Variants in FGF13 observed in about 807,000 individuals in gnomAD.
The protein encoded by FGF13 is fibroblast growth factor homologous factor 2.
A neutral mutation model predicts 19.5 loss-of-function variants in FGF13; 2 were observed. The observed-to-expected ratio is 0.10, with a 90% CI of 0.04 to 0.32. FGF13 has a LOEUF of 0.32. Among genes scored for constraint, FGF13 ranks in the 10% least tolerant of loss-of-function variants. FGF13 has a pLI of 1.00. For missense variants in FGF13, 113 were observed against 192.7 expected (o/e 0.59, Z 2.45); for synonymous variants, 72 against 76.9 (o/e 0.94, Z 0.33).
chrX:138,953,284 T>C (rs1193405369), intron 1 of FGF13, among the ~76,000 whole-genome samples: 6 of 111,002 alleles, frequency 5.4e-5, no homozygotes, highest in African/African-American at 1.3e-4. Flanking sequence ...TGCAGGGACA[T>C]GGATGAAGCT....
intron 1 of FGF13, among the ~76,000 whole-genome samples, chrX:139,190,046 TA>T (rs2084312387): frequency 9.0e-6 from 1 of 111,691 alleles, no homozygotes; most frequent in Non-Finnish European, 1.9e-5. Flanking sequence ...AACATAGTTT[TA>T]AAAGCTGTTC....
intron 1 of FGF13, among the ~76,000 whole-genome samples, chrX:138,950,994 C>T (rs933335243): frequency 2.0e-4 from 22 of 111,521 alleles, no homozygotes; most frequent in African/African-American, 7.2e-4. Context: ...TTACTATGTG[C>T]TATGCCCTGT....
At chrX:139,080,164 C>T (rs2083360912) in intron 1 of FGF13, among the ~76,000 whole-genome samples, 2 of 111,364 alleles carry the variant, frequency 1.8e-5, no homozygotes, top group Non-Finnish European at 3.8e-5. Flanking sequence ...TACAAGGCCC[C>T]CATGCCCTGC....
intron 1 of FGF13, among the ~76,000 whole-genome samples, chrX:139,002,449 C>T (rs1674156067): frequency 9.0e-6 from 1 of 111,172 alleles, no homozygotes; most frequent in Non-Finnish European, 1.9e-5. Context: ...GTCTGGGCCA[C>T]AAGGACTGCA....
intron 1 of FGF13, among the ~76,000 whole-genome samples, chrX:139,064,190 A>G (rs1036885701): frequency 1.2e-5 from 1 of 86,481 alleles, no homozygotes; most frequent in African/African-American, 4.2e-5. Context: ...TCTGGTGTTT[A>G]TTTTTTCATC....
intron 3 of FGF13, among the ~76,000 whole-genome samples, chrX:138,755,917 T>G (rs1420464934): frequency 4.5e-5 from 5 of 111,941 alleles, no homozygotes; most frequent in African/African-American, 1.6e-4. Flanking sequence ...TAGAGGTGAT[T>G]AAGTTAAAAT....
At chrX:138,679,358 C>T (rs766811548) in intron 3 of FGF13, among the ~76,000 whole-genome samples, 1 of 111,043 alleles carries the variant, frequency 9.0e-6, no homozygotes, top group African/African-American at 3.3e-5. Context: ...GGGCTACAGG[C>T]ACGAGCCACC....
intron 1 of FGF13, among the ~76,000 whole-genome samples, chrX:139,068,795 G>A (rs1305506830): frequency 4.5e-5 from 5 of 111,138 alleles, no homozygotes; most frequent in African/African-American, 1.3e-4. Context: ...TTTGTCTGTT[G>A]TTGGTGTATA....
intron 3 of FGF13, among the ~76,000 whole-genome samples, chrX:138,827,344 A>AGTACTTTGTAACTTT (rs2124078913): frequency 8.9e-6 from 1 of 112,021 alleles, no homozygotes; most frequent in East Asian, 2.8e-4. Context: ...GGGGGGAGGC[A>AGTACTTTGTAACTTT]GTACTTTGTA....
rs2088999586 is a variant in FGF13, at chrX:138,619,703, A to G, written c.*13147T>C. On this transcript the variant is annotated 3_prime_UTR_variant, in exon 5 of 5. Transcript: ENST00000315930. ...AAAAAAGACATTCATGAGGCCAACG[A>G]ACATATGAAAAAAGTTCAACATCAC... 2 of 112,235 alleles carry G rather than the reference A, an allele frequency of 1.8e-5. No homozygotes were observed. The highest frequency in any genetic ancestry group is 7.4e-4 in the South Asian group (2 of 2,707). The allele number at this position is 112,235 out of a possible 1,213,427, so 9.2% of individuals were successfully genotyped here. A position where few individuals can be genotyped will look rare whatever the true frequency, so the allele number is the denominator to read the frequency against.
chrX:138,757,507 G>A (rs1234742269), intron 3 of FGF13, among the ~76,000 whole-genome samples: 3 of 110,496 alleles, frequency 2.7e-5, no homozygotes, highest in Non-Finnish European at 5.6e-5. Context: ...AGGCCTGAAG[G>A]AAGAGCTAGC....
intron 3 of FGF13, among the ~76,000 whole-genome samples, chrX:138,685,201 G>C (rs1349908903): frequency 9.0e-6 from 1 of 110,979 alleles, no homozygotes; most frequent in African/African-American, 3.3e-5. Context: ...CAGCAATGTC[G>C]TAACAGCAAG....
chrX:139,026,662 C>T (rs934286317), intron 1 of FGF13, among the ~76,000 whole-genome samples: 2 of 111,795 alleles, frequency 1.8e-5, no homozygotes, highest in Non-Finnish European at 3.8e-5. Context: ...CTCCCTGCTG[C>T]TCACTACCAT....
intron 1 of FGF13, among the ~76,000 whole-genome samples, chrX:139,062,473 A>G (rs1416450402): frequency 8.9e-6 from 1 of 111,817 alleles, no homozygotes. Context: ...TTTTGAAGTA[A>G]GGTAGTGTGA....
At chrX:138,765,606 A>G (rs1246821632) in intron 3 of FGF13, among the ~76,000 whole-genome samples, 1 of 112,021 alleles carries the variant, frequency 8.9e-6, no homozygotes, top group Middle Eastern at 4.2e-3. Flanking sequence ...AGTTGCATAA[A>G]AATGAACAGG....
intron 3 of FGF13, among the ~76,000 whole-genome samples, chrX:138,786,354 G>A (rs1413939345): frequency 9.0e-6 from 1 of 111,277 alleles, no homozygotes; most frequent in Non-Finnish European, 1.9e-5. Flanking sequence ...TGGAACTAAA[G>A]TATAAATACC....
intron 1 of FGF13, among the ~76,000 whole-genome samples, chrX:138,978,266 G>GTTTTTTTTTTTTTTTTTTTTTT (rs10666140): frequency 4.8e-5 from 4 of 82,891 alleles, no homozygotes; most frequent in African/African-American, 2.0e-4. Context: ...AGCTGCCCTG[G>GTTTTTTTTTTTTTTTTTTTTTT]TTTTTTTTTT....
At chrX:139,184,604 A>T in intron 1 of FGF13, among the ~76,000 whole-genome samples, 1 of 110,819 alleles carries the variant, frequency 9.0e-6, no homozygotes, top group Non-Finnish European at 1.9e-5. Context: ...TTTTACCTAT[A>T]TATATATTGC....
chrX:138,730,274 A>G (rs1005427289), intron 1 of FGF13, among the ~76,000 whole-genome samples: 3 of 111,666 alleles, frequency 2.7e-5, no homozygotes, highest in Non-Finnish European at 5.7e-5. Context: ...AACATGGCAC[A>G]TGTATACCTA....
Sources: gnomAD v4.1 joint callset for allele counts (sites outside exome capture counted in the v4.1 genomes callset) on GRCh38, gnomAD v4.1.1 for gene constraint, MANE v1.5 for transcripts, NCBI Gene and HGNC (gene_info 2026-07-23, HGNC 2026-07-21) for gene names.